Variants in NDST4 observed in about 807,000 individuals in gnomAD.
NDST4 encodes the protein N-heparan sulfate sulfotransferase 4.
Under a neutral mutation model 100.8 loss-of-function variants are expected in NDST4, and 63 were observed. The observed-to-expected ratio is 0.62, with a 90% confidence interval of 0.51 to 0.77. NDST4 has a LOEUF of 0.77. Among genes scored for constraint, NDST4 ranks in the 30% least tolerant of loss-of-function variants. The probability of loss-of-function intolerance (pLI) is 0.00; values close to 1 mark genes in which losing one functional copy is unlikely to be tolerated. For missense variants in NDST4, 943 were observed against 1,018.4 expected (o/e 0.93, Z 1.01); for synonymous variants, 377 against 361.8 (o/e 1.04, Z -0.48).
At chr4:114,886,674 A>G (rs368499095) in intron 6 of NDST4, among the ~76,000 whole-genome samples, 6 of 152,120 alleles carry the variant, frequency 3.9e-5, no homozygotes, top group Non-Finnish European at 5.9e-5. Context: ...TTTTTGATAG[A>G]TGGGAAAATT....
chr4:114,840,235 A>G (rs563295998), intron 10 of NDST4, among the ~76,000 whole-genome samples: 1 of 152,302 alleles, frequency 6.6e-6, no homozygotes, highest in East Asian at 1.9e-4. Flanking sequence ...ACTTTTCAGT[A>G]TCAAATCCTG....
chr4:115,057,863 A>C (rs115681622), intron 2 of NDST4, among the ~76,000 whole-genome samples: 14 of 152,148 alleles, frequency 9.2e-5, no homozygotes, highest in Admixed American at 3.3e-4. Context: ...TAACAATAAT[A>C]TATATACTAT....
chr4:114,868,973 A>T (rs927502120), intron 7 of NDST4, among the ~76,000 whole-genome samples: 1 of 147,406 alleles, frequency 6.8e-6, no homozygotes, highest in African/African-American at 2.5e-5. Context: ...TATATTTCTT[A>T]TATCTTCCAA....
chr4:115,078,830 A>C (rs1439138184), intron 1 of NDST4, among the ~76,000 whole-genome samples: 3 of 151,566 alleles, frequency 2.0e-5, no homozygotes, highest in Admixed American at 6.6e-5. Flanking sequence ...ATAGAGCAAA[A>C]CTCTCTTCCG....
intron 2 of NDST4, among the ~76,000 whole-genome samples, chr4:115,036,087 T>G (rs1728227441): frequency 6.6e-6 from 1 of 151,954 alleles, no homozygotes; most frequent in African/African-American, 2.4e-5. Context: ...TAAAGCATAC[T>G]TGTTTTAATA....
At chr4:114,961,544 T>C (rs1166600561) in intron 4 of NDST4, among the ~76,000 whole-genome samples, 1 of 151,994 alleles carries the variant, frequency 6.6e-6, no homozygotes, top group Non-Finnish European at 1.5e-5. Flanking sequence ...ATAACTGCCA[T>C]GAGGTAATAC....
At chr4:114,863,297 G>T (rs893444990) in intron 7 of NDST4, among the ~76,000 whole-genome samples, 5 of 152,230 alleles carry the variant, frequency 3.3e-5, no homozygotes, top group African/African-American at 1.2e-4. Context: ...GATGCAAGGT[G>T]TTTTATTTAG....
At chr4:114,890,765 A>G (rs887606848) in intron 6 of NDST4, among the ~76,000 whole-genome samples, 9 of 151,966 alleles carry the variant, frequency 5.9e-5, no homozygotes, top group African/African-American at 1.2e-4. Flanking sequence ...TTTTCCTATT[A>G]ATTAACCATT....
intron 10 of NDST4, chr4:114,842,618 T>TA (rs71584042): frequency 0.03 from 1,231 of 41,000 alleles, 122 homozygotes; most frequent in East Asian, 0.046. Flanking sequence ...CAGTCTCTAC[T>TA]AAAAAAAAAA....
chr4:114,940,327 G>T (rs1445023783), intron 4 of NDST4, among the ~76,000 whole-genome samples: 1 of 152,062 alleles, frequency 6.6e-6, no homozygotes, highest in Non-Finnish European at 1.5e-5. Context: ...ATATGAAAAA[G>T]ATCACCATTT....
At chr4:114,986,832 A>ATATTTTTTT in intron 2 of NDST4, among the ~76,000 whole-genome samples, 8 of 94,660 alleles carry the variant, frequency 8.5e-5, no homozygotes, top group East Asian at 3.6e-4. Flanking sequence ...ATATATATAT[A>ATATTTTTTT]TTTTAATATA....
intron 1 of NDST4, among the ~76,000 whole-genome samples, chr4:115,105,105 G>A (rs1729808893): frequency 6.6e-6 from 1 of 152,066 alleles, no homozygotes; most frequent in East Asian, 1.9e-4. Flanking sequence ...CTGATCTGGT[G>A]GAAACCAAGG....
chr4:114,941,288 C>G (rs1725744406), intron 4 of NDST4, among the ~76,000 whole-genome samples: 1 of 152,146 alleles, frequency 6.6e-6, no homozygotes, highest in Non-Finnish European at 1.5e-5. Flanking sequence ...TGTCTAGATT[C>G]ATCATCTTTG....
chr4:115,016,631 C>G (rs986871209), intron 2 of NDST4, among the ~76,000 whole-genome samples: 8 of 152,040 alleles, frequency 5.3e-5, no homozygotes, highest in Admixed American at 4.6e-4. Context: ...GGTGATTGAT[C>G]CTATTGGGGG....
chr4:115,109,034 G>A (rs1391546164), intron 1 of NDST4, among the ~76,000 whole-genome samples: 1 of 148,524 alleles, frequency 6.7e-6, no homozygotes, highest in Admixed American at 6.8e-5. Context: ...AGAGGGAAAA[G>A]GGAAGGAAGG....
At chr4:114,968,381 G>A (rs1228875148) in intron 4 of NDST4, among the ~76,000 whole-genome samples, 1 of 152,170 alleles carries the variant, frequency 6.6e-6, no homozygotes, top group Non-Finnish European at 1.5e-5. Flanking sequence ...GTCCCACTGG[G>A]TGAAGATGTG....
chr4:114,962,299 A>G (rs1726280382), intron 4 of NDST4, among the ~76,000 whole-genome samples: 1 of 144,758 alleles, frequency 6.9e-6, no homozygotes, highest in South Asian at 2.2e-4. Context: ...ACTGAAAGTT[A>G]CAGTCAGGAC....
At chr4:115,050,979 C>T (rs1728570054) in intron 2 of NDST4, among the ~76,000 whole-genome samples, 1 of 152,036 alleles carries the variant, frequency 6.6e-6, no homozygotes, top group Admixed American at 6.6e-5. Context: ...GAGTGACATA[C>T]TGAATTTTAT....
intron 1 of NDST4, among the ~76,000 whole-genome samples, chr4:115,106,636 CAT>C (rs1182612253): frequency 2.6e-5 from 4 of 152,132 alleles, no homozygotes; most frequent in African/African-American, 9.7e-5. Context: ...AATGCCTGCA[CAT>C]GTTTAGTACA....
Sources: gnomAD v4.1 joint callset for allele counts (sites outside exome capture counted in the v4.1 genomes callset) on GRCh38, gnomAD v4.1.1 for gene constraint, MANE v1.5 for transcripts, NCBI Gene and HGNC (gene_info 2026-07-23, HGNC 2026-07-21) for gene names.